MARCHF8: variants seen among roughly 807,000 people sequenced by gnomAD.
The protein encoded by MARCHF8 is E3 ubiquitin-protein ligase MARCHF8.
MARCHF8 carries 40 observed loss-of-function variants against 51.6 expected under a neutral mutation model. The observed-to-expected ratio is 0.77, with a 90% CI of 0.60 to 1.01. The LOEUF is 1.01. Ranked by LOEUF, MARCHF8 falls within the 50% of genes least tolerant of loss-of-function variation. The pLI is 0.00. For synonymous variants in MARCHF8, 263 were observed against 280.3 expected (o/e 0.94, Z 0.62); for missense variants, 685 against 708.6 (o/e 0.97, Z 0.38).
At chr10:45,513,472 T>C (rs2043568472) in intron 2 of MARCHF8, among the ~76,000 whole-genome samples, 1 of 152,120 alleles carries the variant, frequency 6.6e-6, no homozygotes. Flanking sequence ...TAGAAAGAGA[T>C]TGTCCATTTT....
chr10:45,581,211 T>C (rs1455363329), intron 1 of MARCHF8, among the ~76,000 whole-genome samples: 2 of 152,138 alleles, frequency 1.3e-5, no homozygotes, highest in Non-Finnish European at 2.9e-5. Context: ...TGGCACCTAG[T>C]AGGAAGAGGC....
intron 1 of MARCHF8, among the ~76,000 whole-genome samples, chr10:45,548,134 G>T (rs1204791134): frequency 6.6e-6 from 1 of 152,188 alleles, no homozygotes; most frequent in African/African-American, 2.4e-5. Flanking sequence ...TGGATTCAAG[G>T]TGTGCCAACA....
At chr10:45,587,465 G>C (rs796209803) in intron 1 of MARCHF8, among the ~76,000 whole-genome samples, 2 of 152,146 alleles carry the variant, frequency 1.3e-5, no homozygotes, top group South Asian at 4.1e-4. Context: ...CCATGTTCAT[G>C]TATTGAAAGG....
chr10:45,486,054 T>C (rs1251724608), intron 3 of MARCHF8, among the ~76,000 whole-genome samples: 6 of 152,226 alleles, frequency 3.9e-5, no homozygotes, highest in African/African-American at 1.4e-4. Flanking sequence ...AACTGGTTCA[T>C]GTCTAACCAC....
At chr10:45,561,214 A>G (rs1002644021) in intron 1 of MARCHF8, among the ~76,000 whole-genome samples, 1 of 152,184 alleles carries the variant, frequency 6.6e-6, no homozygotes, top group Admixed American at 6.5e-5. Flanking sequence ...GAGCAAGCAG[A>G]AAGAACAAAC....
Position 45,463,683 on chromosome 10 carries a change from G to C in MARCHF8, c.556C>G (p.Leu186Val). ...ERTCSEGKLILPQDTCLRTNR... is the reference protein window; with the variant it reads ...ERTCSEGKLIVPQDTCLRTNR... ...GTTCTGAGACACGTATCTTGAGGGA[G>C]TATTAATTTCCCTTCAGAACAAGTT... is the stretch of plus-strand genomic sequence containing the variant. The change falls in exon 5 of 8, where the codon CTC becomes GTC. Residue 186 changes from leucine (L) to valine (V), a missense_variant. Coordinates refer to ENST00000453424, the MANE Select transcript of MARCHF8 (RefSeq NM_001282866.2). The C allele has an allele frequency of 6.4e-7, 1 of 1,550,858 alleles. No homozygotes were observed. Among genetic ancestry groups the C allele is most frequent in the Non-Finnish European group, 8.7e-7 (1 of 1,147,046 alleles).
chr10:45,576,019 G>C (rs2044485738), intron 1 of MARCHF8, among the ~76,000 whole-genome samples: 1 of 152,166 alleles, frequency 6.6e-6, no homozygotes, highest in Non-Finnish European at 1.5e-5. Flanking sequence ...CCTGCACCCA[G>C]GTGATTAAAA....
intron 3 of MARCHF8, among the ~76,000 whole-genome samples, chr10:45,483,032 T>A (rs1001952163): frequency 6.6e-6 from 1 of 152,028 alleles, no homozygotes; most frequent in Non-Finnish European, 1.5e-5. Flanking sequence ...TGAAACTATA[T>A]AACTATTAGA....
intron 1 of MARCHF8, among the ~76,000 whole-genome samples, chr10:45,587,363 TA>T (rs1172553807): frequency 1.3e-5 from 2 of 152,142 alleles, no homozygotes; most frequent in African/African-American, 4.8e-5. Flanking sequence ...TATTAAGATA[TA>T]AATTCAACAA....
At chr10:45,492,323 A>C (rs1388140527) in intron 2 of MARCHF8, among the ~76,000 whole-genome samples, 3 of 147,594 alleles carry the variant, frequency 2.0e-5, no homozygotes, top group African/African-American at 5.0e-5. Flanking sequence ...TTTGATACGT[A>C]GTCTCGCTCT....
chr10:45,524,704 T>C (rs965760112), intron 2 of MARCHF8, among the ~76,000 whole-genome samples: 4 of 152,216 alleles, frequency 2.6e-5, no homozygotes, highest in African/African-American at 9.6e-5. Flanking sequence ...ATTTTTATCC[T>C]GCAGAATAAG....
At chr10:45,485,281 C>T (rs1234904312) in intron 3 of MARCHF8, among the ~76,000 whole-genome samples, 3 of 152,170 alleles carry the variant, frequency 2.0e-5, no homozygotes, top group East Asian at 1.9e-4. Context: ...GTGATAAGTG[C>T]GATCCTGAAA....
intron 2 of MARCHF8, among the ~76,000 whole-genome samples, chr10:45,512,751 G>T (rs968877066): frequency 1.3e-5 from 2 of 152,140 alleles, no homozygotes; most frequent in Non-Finnish European, 2.9e-5. Flanking sequence ...AGAACGGGCC[G>T]GGACGACAAT....
intron 5 of MARCHF8, chr10:45,461,927 CT>C (rs1186601474): frequency 6.6e-6 from 1 of 152,262 alleles, no homozygotes; most frequent in South Asian, 2.1e-4. Context: ...CAGTACCTCT[CT>C]CCTAGACCTA....
intron 3 of MARCHF8, among the ~76,000 whole-genome samples, chr10:45,465,067 A>T (rs866015165): frequency 2.0e-5 from 3 of 152,136 alleles, no homozygotes; most frequent in African/African-American, 7.2e-5. Flanking sequence ...AAAATCTAGG[A>T]AGGAGAGGAA....
intron 1 of MARCHF8, among the ~76,000 whole-genome samples, chr10:45,551,152 A>G (rs1381692371): frequency 6.6e-6 from 1 of 152,166 alleles, no homozygotes; most frequent in African/African-American, 2.4e-5. Flanking sequence ...CTAGATATAC[A>G]ATGAGAGTAA....
intron 1 of MARCHF8, among the ~76,000 whole-genome samples, chr10:45,567,436 T>C (rs2044377496): frequency 6.6e-6 from 1 of 152,222 alleles, no homozygotes; most frequent in Non-Finnish European, 1.5e-5. Context: ...CTTTAACCCA[T>C]TATGATTTGA....
intron 2 of MARCHF8, among the ~76,000 whole-genome samples, chr10:45,515,009 C>G (rs753405871): frequency 6.6e-6 from 1 of 152,118 alleles, no homozygotes; most frequent in Non-Finnish European, 1.5e-5. Context: ...GGGAGCTCTG[C>G]GTATCAATGC....
chr10:45,521,706 G>A (rs1190616025), intron 2 of MARCHF8, among the ~76,000 whole-genome samples: 1 of 152,072 alleles, frequency 6.6e-6, no homozygotes, highest in Non-Finnish European at 1.5e-5. Context: ...ATTTATTATT[G>A]TCTACTGCGA....
Sources: gnomAD v4.1 joint callset for allele counts (sites outside exome capture counted in the v4.1 genomes callset) on GRCh38, gnomAD v4.1.1 for gene constraint, MANE v1.5 for transcripts, NCBI Gene and HGNC (gene_info 2026-07-23, HGNC 2026-07-21) for gene names.